CAMKMT: variants seen among roughly 807,000 people sequenced by gnomAD.
The protein encoded by CAMKMT is calmodulin-lysine N-methyltransferase.
In CAMKMT, 53 loss-of-function variants were observed where a neutral mutation model predicts 48.0. That is an observed-to-expected ratio of 1.10 (90% CI 0.89 to 1.39). The LOEUF is 1.39. Ranked by LOEUF, CAMKMT falls within the 40% of genes most tolerant of loss-of-function variation. CAMKMT has a pLI of 0.00. For synonymous variants in CAMKMT, 165 were observed against 152.3 expected, an observed-to-expected ratio of 1.08 and a Z score of -0.61; for missense variants, 428 against 402.7, an observed-to-expected ratio of 1.06 and a Z score of -0.54.
At chr2:44,523,331 C>T (rs1210255507) in intron 3 of CAMKMT, among the ~76,000 whole-genome samples, 8 of 145,468 alleles carry the variant, frequency 5.5e-5, no homozygotes, top group Admixed American at 2.1e-4. Flanking sequence ...CTCACTCTGT[C>T]GCCCAGGGTA....
At chr2:44,445,654 T>G (rs1341197098) in intron 3 of CAMKMT, among the ~76,000 whole-genome samples, 220 of 8,108 alleles carry the variant, frequency 0.027, 1 homozygote, top group African/African-American at 0.11. Flanking sequence ...AGTTTTTTTT[T>G]TTTTTTTTTT....
intron 3 of CAMKMT, chr2:44,394,775 G>A (rs1356343399): frequency 6.7e-6 from 3 of 445,278 alleles, no homozygotes; most frequent in Non-Finnish European, 1.3e-5. Flanking sequence ...CTTCCTAGTG[G>A]TCTGATAGCA....
chr2:44,520,879 A>G (rs1317787220), intron 3 of CAMKMT, among the ~76,000 whole-genome samples: 1 of 152,142 alleles, frequency 6.6e-6, no homozygotes, highest in African/African-American at 2.4e-5. Context: ...CCTTGCTTGC[A>G]TTCATTCTTT....
In CAMKMT at chr2:44,673,520, A is replaced by AGGAAGGAAGGAG. The variant is rs1280980481; in HGVS notation, c.377-30760_377-30759insAGGAAGGAGGGA. Among the ~76,000 whole-genome samples, 573 of 87,986 alleles carry AGGAAGGAAGGAG rather than the reference A, an allele frequency of 6.5e-3. 5 individuals carry two copies. The highest frequency in any genetic ancestry group is 0.024 in the African/African-American group (535 of 22,268). The allele number at this position is 87,986 out of a possible 152,430, so 57.7% of individuals were successfully genotyped here. The stretch of plus-strand genomic sequence containing the variant: ...AAGGAAGGAAGGAAGGAAGGAAGGA[A>AGGAAGGAAGGAG]GGAGGGAAGGAAGAAATCTATACAC... On this transcript the variant is annotated intron_variant, in intron 3 of 10. Transcript: ENST00000378494.
At chr2:44,700,797 A>T (rs960369826) in intron 3 of CAMKMT, among the ~76,000 whole-genome samples, 7 of 152,220 alleles carry the variant, frequency 4.6e-5, no homozygotes, top group Non-Finnish European at 7.3e-5. Context: ...AGTTGAGCAC[A>T]TGCTGTTGGA....
intron 3 of CAMKMT, among the ~76,000 whole-genome samples, chr2:44,484,533 AT>A (rs1474924770): frequency 6.6e-6 from 1 of 152,066 alleles, no homozygotes; most frequent in Non-Finnish European, 1.5e-5. Context: ...ATGAAAAAAA[AT>A]CATGGTCCTC....
rs141637511 is a variant in CAMKMT, at chr2:44,562,568, C to G, written c.377-141715C>G. The stretch of plus-strand genomic sequence containing the variant: ...TAAGCCGTGACTTCAAAGCCATGCT[C>G]TCTTTTTTTTGAGACAGAATCTCAC... On this transcript the variant is annotated intron_variant, in intron 3 of 10. Transcript: ENST00000378494. 1.8e-3 allele frequency among the ~76,000 whole-genome samples: 275 copies of G among 152,160 alleles called. 2 individuals carry two copies. The highest frequency in any genetic ancestry group is 5.6e-3 in the African/African-American group (233 of 41,526).
chr2:44,509,940 C>G (rs1572679678), intron 3 of CAMKMT, among the ~76,000 whole-genome samples: 5 of 152,176 alleles, frequency 3.3e-5, no homozygotes, highest in Admixed American at 3.3e-4. Context: ...TCAGAATAAA[C>G]CTTTTTTCTT....
At chr2:44,597,641 C>G (rs996095265) in intron 3 of CAMKMT, among the ~76,000 whole-genome samples, 1 of 152,032 alleles carries the variant, frequency 6.6e-6, no homozygotes, top group East Asian at 1.9e-4. Flanking sequence ...AAATAAAATC[C>G]AAAAAGCAAT....
chr2:44,425,354 G>C (rs1019459255), intron 3 of CAMKMT, among the ~76,000 whole-genome samples: 2 of 152,052 alleles, frequency 1.3e-5, no homozygotes, highest in African/African-American at 4.8e-5. Context: ...TTTTGGTGGA[G>C]ATTTACTACC....
chr2:44,555,469 A>G (rs1457801002), intron 3 of CAMKMT, among the ~76,000 whole-genome samples: 2 of 152,052 alleles, frequency 1.3e-5, no homozygotes, highest in East Asian at 3.9e-4. Context: ...GATGGGTTCC[A>G]TTTTAGATAT....
chr2:44,745,867 G>C (rs1679896255), intron 8 of CAMKMT, among the ~76,000 whole-genome samples: 1 of 152,230 alleles, frequency 6.6e-6, no homozygotes, highest in East Asian at 1.9e-4. Context: ...GCATGTAGCA[G>C]TGAAGCACAG....
At chr2:44,362,359 G>A (rs1411996143) in intron 1 of CAMKMT, among the ~76,000 whole-genome samples, 2 of 152,154 alleles carry the variant, frequency 1.3e-5, no homozygotes, top group African/African-American at 4.8e-5. Context: ...GGACAGCCAA[G>A]GCTGAGCTCC....
At chr2:44,637,827 G>A (rs1441651591) in intron 3 of CAMKMT, among the ~76,000 whole-genome samples, 5 of 152,052 alleles carry the variant, frequency 3.3e-5, no homozygotes, top group African/African-American at 9.7e-5. Context: ...AACACTTTGG[G>A]AGGTTGAGGC....
intron 6 of CAMKMT, among the ~76,000 whole-genome samples, chr2:44,714,435 A>G (rs185024374): frequency 2.0e-4 from 30 of 152,330 alleles, no homozygotes; most frequent in African/African-American, 7.2e-4. Flanking sequence ...TCCATGCCAA[A>G]GGCCATAGCG....
intron 9 of CAMKMT, among the ~76,000 whole-genome samples, chr2:44,759,837 C>T (rs1288406934): frequency 6.6e-6 from 1 of 152,214 alleles, no homozygotes; most frequent in Non-Finnish European, 1.5e-5. Context: ...TCTCTGCCCC[C>T]AAAGACGTTG....
chr2:44,561,678 C>G (rs1227314202), intron 3 of CAMKMT, among the ~76,000 whole-genome samples: 1 of 152,096 alleles, frequency 6.6e-6, no homozygotes, highest in East Asian at 1.9e-4. Context: ...TTTCAATCTG[C>G]CAGCTTAAGC....
At chr2:44,631,774 T>C (rs1402594793) in intron 3 of CAMKMT, 1 of 361,864 alleles carries the variant, frequency 2.8e-6, no homozygotes, top group African/African-American at 2.1e-5. Flanking sequence ...TTGTTCATTA[T>C]TCTTTTTACC....
At chr2:44,600,844 T>C (rs1670942920) in intron 3 of CAMKMT, among the ~76,000 whole-genome samples, 1 of 152,122 alleles carries the variant, frequency 6.6e-6, no homozygotes, top group African/African-American at 2.4e-5. Context: ...CAGATGGAGA[T>C]TAAAACTACT....
Sources: gnomAD v4.1 joint callset for allele counts (sites outside exome capture counted in the v4.1 genomes callset) on GRCh38, gnomAD v4.1.1 for gene constraint, MANE v1.5 for transcripts, NCBI Gene and HGNC (gene_info 2026-07-23, HGNC 2026-07-21) for gene names.